The following TTC28 variants were observed in gnomAD, a reference collection of about 807,000 sequenced individuals.
TTC28 encodes tetratricopeptide repeat domain 28, also known as tetratricopeptide repeat protein 28.
A neutral mutation model predicts 198.0 loss-of-function variants in TTC28; 61 were observed. That is an observed-to-expected ratio of 0.31 (90% confidence interval 0.25 to 0.38). TTC28 has a LOEUF of 0.38. Ranked by LOEUF, TTC28 falls within the 10% of genes least tolerant of loss-of-function variation. TTC28 has a pLI of 1.00. For synonymous variants in TTC28, 1,171 were observed against 1,297.8 expected (o/e 0.90, Z 2.10); for missense variants, 2,678 against 3,164.0 (o/e 0.85, Z 3.69).
intron 2 of TTC28, among the ~76,000 whole-genome samples, chr22:28,554,421 C>A (rs1329228693): frequency 4.7e-5 from 7 of 150,452 alleles, no homozygotes; most frequent in Admixed American, 1.3e-4. Context: ...AGATCTGAAA[C>A]CATAAAGATT....
intron 6 of TTC28, among the ~76,000 whole-genome samples, chr22:28,142,357 G>C (rs1943359536): frequency 2.0e-5 from 3 of 152,186 alleles, no homozygotes. Context: ...GAAGAGATCT[G>C]TTCTTCTTCC....
At chr22:28,607,053 C>G (rs1195147632) in intron 2 of TTC28, among the ~76,000 whole-genome samples, 2 of 152,144 alleles carry the variant, frequency 1.3e-5, no homozygotes, top group Non-Finnish European at 1.5e-5. Flanking sequence ...AAAGGAATAT[C>G]CTTCTCTGTG....
At position 27,996,306 on chromosome 22, in the gene TTC28, C is replaced by A. The variant is rs1023234172; in HGVS notation, c.5120-47G>T. 3 of 1,535,480 alleles carry A rather than the reference C, an allele frequency of 2.0e-6. No individual in the cohort carries two copies. The African/African-American group carries it at 4.1e-5, about 21-fold the overall frequency. On this transcript the variant is annotated intron_variant, in intron 16 of 22. Transcript: ENST00000397906. ...ACCTCAGCAGGGCAGCTGGAGACCC[C>A]CAGCCCCACCCCGGCTTCCAGGGCT... is the stretch of plus-strand genomic sequence containing the variant.
chr22:28,096,132 T>C (rs1941963965), intron 11 of TTC28, 58 bp downstream of exon 11: 1 of 1,469,214 alleles, frequency 6.8e-7, no homozygotes. Flanking sequence ...CCTCTATTCA[T>C]TAGACTTTCA....
At chr22:28,460,911 T>C (rs1469946114) in intron 2 of TTC28, among the ~76,000 whole-genome samples, 1 of 152,112 alleles carries the variant, frequency 6.6e-6, no homozygotes, top group Non-Finnish European at 1.5e-5. Context: ...CTCAAACTCC[T>C]GGGCTCATAC....
intron 2 of TTC28, among the ~76,000 whole-genome samples, chr22:28,343,189 G>T (rs761593330): frequency 1.2e-4 from 19 of 152,030 alleles, no homozygotes; most frequent in African/African-American, 3.6e-4. Context: ...ACACAACGGA[G>T]ATTAGACAGA....
chr22:28,601,897 C>T (rs527609477), intron 2 of TTC28, among the ~76,000 whole-genome samples: 5 of 152,056 alleles, frequency 3.3e-5, no homozygotes, highest in African/African-American at 1.2e-4. Context: ...ATGCCAACTC[C>T]TATTCTGATA....
Position 28,001,361 on chromosome 22 carries a change from G to A in TTC28, c.4398+13C>T. ...ACAAGCCCCCGGCCCCCCACCATGT[G>A]TGTGAGCCTTACCTTGGACTGCACG... On this transcript the variant is annotated intron_variant, in intron 15 of 22. Transcript: ENST00000397906. 6.5e-7 allele frequency: 1 copy of A among 1,538,920 alleles called. No homozygotes were observed. The highest frequency in any genetic ancestry group is 8.8e-7 in the Non-Finnish European group (1 of 1,136,774).
At chr22:28,452,303 T>A (rs988851444) in intron 2 of TTC28, among the ~76,000 whole-genome samples, 62 of 137,692 alleles carry the variant, frequency 4.5e-4, no homozygotes, top group African/African-American at 1.6e-3. Context: ...GGCAGGAGAA[T>A]CGCTTGAACC....
chr22:28,221,355 A>C (rs1441891226), intron 5 of TTC28, among the ~76,000 whole-genome samples: 7 of 152,220 alleles, frequency 4.6e-5, no homozygotes, highest in African/African-American at 1.7e-4. Flanking sequence ...TTAGGGTAGC[A>C]AGACTAATTC....
chr22:28,193,860 C>G (rs536160591), intron 5 of TTC28, among the ~76,000 whole-genome samples: 30 of 152,262 alleles, frequency 2.0e-4, no homozygotes, highest in Admixed American at 7.2e-4. Context: ...ACCCCACTGT[C>G]AACATTAGAC....
In TTC28 at chr22:28,012,575, G is replaced by A. The variant is rs531120612; in HGVS notation, c.4218+1673C>T. 5.7e-4 allele frequency among the ~76,000 whole-genome samples: 87 copies of A among 152,116 alleles called. 1 individual carries two copies. Among genetic ancestry groups the A allele is most frequent in the Non-Finnish European group, 1.1e-3 (76 of 68,012 alleles). ...CACCTAGGCTGGAGTGCAGTGGTAC[G>A]ATCATGGCTCATTGCAACCTCGATC... On this transcript the variant is annotated intron_variant, in intron 14 of 22. Coordinates refer to ENST00000397906, the MANE Select transcript of TTC28 (RefSeq NM_001145418.2).
At chr22:28,608,391 A>G (rs1310364518) in intron 2 of TTC28, among the ~76,000 whole-genome samples, 2 of 152,210 alleles carry the variant, frequency 1.3e-5, no homozygotes, top group East Asian at 3.9e-4. Context: ...GGCCTAACTC[A>G]GAGGTAGCTG....
At chr22:28,135,432 G>A (rs1943176671) in intron 6 of TTC28, among the ~76,000 whole-genome samples, 1 of 152,094 alleles carries the variant, frequency 6.6e-6, no homozygotes, top group Admixed American at 6.5e-5. Flanking sequence ...CTTTGAATAG[G>A]CAGAGTTGTT....
At chr22:28,184,509 G>A (rs559101661) in intron 5 of TTC28, among the ~76,000 whole-genome samples, 571 of 152,044 alleles carry the variant, frequency 3.8e-3, no homozygotes, top group Admixed American at 7.9e-3. Flanking sequence ...TCTTAAAACA[G>A]AACATAATAT....
chr22:28,084,840 T>C (rs9625402), intron 12 of TTC28, among the ~76,000 whole-genome samples: 10,205 of 152,168 alleles, frequency 0.067, 429 homozygotes, highest in South Asian at 0.089. Context: ...CTGAAAACCA[T>C]GGCATGAGAA....
chr22:28,200,304 T>C (rs1925812315), intron 5 of TTC28, among the ~76,000 whole-genome samples: 1 of 152,074 alleles, frequency 6.6e-6, no homozygotes. Context: ...AAATACAAAT[T>C]CTCAACAGTG....
chr22:28,604,000 G>T (rs899477219), intron 2 of TTC28, among the ~76,000 whole-genome samples: 3 of 151,736 alleles, frequency 2.0e-5, no homozygotes, highest in Non-Finnish European at 2.9e-5. Context: ...TTTCTTGGCC[G>T]GGTGTGGTGG....
chr22:28,676,023 G>T (rs1459852744), intron 1 of TTC28, among the ~76,000 whole-genome samples: 1 of 151,972 alleles, frequency 6.6e-6, no homozygotes, highest in African/African-American at 2.4e-5. Context: ...TATACCCAAG[G>T]GAAATGAAAA....
Sources: gnomAD v4.1 joint callset for allele counts (sites outside exome capture counted in the v4.1 genomes callset) on GRCh38, gnomAD v4.1.1 for gene constraint, MANE v1.5 for transcripts, NCBI Gene and HGNC (gene_info 2026-07-23, HGNC 2026-07-21) for gene names.